The following ADK variants were observed in gnomAD, a reference collection of about 807,000 sequenced individuals.
The protein encoded by ADK is N6,N6-dimethyladenosine kinase.
In ADK, 24 loss-of-function variants were observed where a neutral mutation model predicts 44.7. The observed-to-expected ratio is 0.54, with a 90% CI of 0.39 to 0.76. ADK has a LOEUF of 0.76. Among genes scored for constraint, ADK ranks in the 30% least tolerant of loss-of-function variants. The pLI is 0.00. For missense variants in ADK, 321 were observed against 425.1 expected, an observed-to-expected ratio of 0.76 and a Z score of 2.15; for synonymous variants, 128 against 142.6, an observed-to-expected ratio of 0.90 and a Z score of 0.73.
chr10:74,159,972 G>A (rs950738904), intron 1 of ADK, among the ~76,000 whole-genome samples: 5 of 152,112 alleles, frequency 3.3e-5, no homozygotes, highest in African/African-American at 9.7e-5. Flanking sequence ...TATCTCTCAC[G>A]TAGGCCATTT....
intron 3 of ADK, among the ~76,000 whole-genome samples, chr10:74,239,400 G>A (rs1329871494): frequency 6.6e-6 from 1 of 152,066 alleles, no homozygotes; most frequent in African/African-American, 2.4e-5. Context: ...CAATGGCTAT[G>A]GGGTCAGTCA....
At chr10:74,637,916 A>G (rs1853673518) in intron 9 of ADK, among the ~76,000 whole-genome samples, 1 of 152,206 alleles carries the variant, frequency 6.6e-6, no homozygotes, top group Admixed American at 6.5e-5. Flanking sequence ...TACCTATTCA[A>G]ACTTTTCCAG....
At position 74,481,757 on chromosome 10, in the gene ADK, G is replaced by A. The variant is rs78676431; in HGVS notation, c.556-43499G>A. Among the ~76,000 whole-genome samples the A allele has an allele frequency of 8.6e-5, 13 of 151,426 alleles. No individual in the cohort carries two copies. In the East Asian group the frequency reaches 2.1e-3, roughly 25 times the overall value. On this transcript the variant is annotated intron_variant, in intron 6 of 10. Coordinates refer to ENST00000539909, the MANE Select transcript of ADK (RefSeq NM_006721.4). ...GGTTCCTTTTTCATTTCTCATCTTC[G>A]AATATGGTATTTTCCTACATTAGCT...
intron 6 of ADK, among the ~76,000 whole-genome samples, chr10:74,459,831 T>G (rs182351501): frequency 4.6e-5 from 7 of 152,278 alleles, no homozygotes; most frequent in Admixed American, 4.6e-4. Context: ...GGCATTATTT[T>G]TTTTCCTTGC....
chr10:74,674,020 G>C lies in ADK; in HGVS notation c.964+3751G>C, dbSNP rs561301637. ...TTGGCTGAGCCTGGGGTTTTTATGG[G>C]CACAGGATTGTGGGTGGGGTGGGCC... is the stretch of plus-strand genomic sequence containing the variant. On this transcript the variant is annotated intron_variant, in intron 10 of 10. Coordinates refer to ENST00000539909, the MANE Select transcript of ADK (RefSeq NM_006721.4). Among the ~76,000 whole-genome samples the C allele has an allele frequency of 4.6e-5, 7 of 152,212 alleles. No homozygotes were observed. In the South Asian group the frequency reaches 1.5e-3, roughly 32 times the overall value.
chr10:74,200,671 T>C, intron 1 of ADK, 93 bp from the exon 2 acceptor site: 1 of 844,226 alleles, frequency 1.2e-6, no homozygotes, highest in East Asian at 2.6e-5. Flanking sequence ...TATTTTCAGG[T>C]TGAAATGAAG....
chr10:74,244,900 A>G (rs1002259437), intron 3 of ADK, among the ~76,000 whole-genome samples: 1 of 152,258 alleles, frequency 6.6e-6, no homozygotes, highest in Non-Finnish European at 1.5e-5. Flanking sequence ...TTAGTTAGCT[A>G]ATGAAATACA....
At chr10:74,673,828 C>G (rs1855280878) in intron 10 of ADK, among the ~76,000 whole-genome samples, 1 of 152,120 alleles carries the variant, frequency 6.6e-6, no homozygotes, top group South Asian at 2.1e-4. Context: ...GGAAGGGGAG[C>G]TGAAAGGGGG....
chr10:74,577,106 T>TTC (rs566078811), intron 7 of ADK, among the ~76,000 whole-genome samples: 37 of 111,062 alleles, frequency 3.3e-4, no homozygotes, highest in South Asian at 1.6e-3. Context: ...TTTGTATTAT[T>TTC]TCTCTGTGTG....
At chr10:74,271,043 A>G (rs1439737423) in intron 3 of ADK, among the ~76,000 whole-genome samples, 6 of 152,206 alleles carry the variant, frequency 3.9e-5, no homozygotes, top group Non-Finnish European at 8.8e-5. Context: ...GCGGTAATGT[A>G]GTCTTCTATT....
intron 4 of ADK, among the ~76,000 whole-genome samples, chr10:74,390,608 G>A (rs893056725): frequency 1.7e-4 from 26 of 152,098 alleles, no homozygotes; most frequent in Non-Finnish European, 7.4e-5. Flanking sequence ...GTTTTCTGAT[G>A]TGTGATCAAG....
chr10:74,700,639 GAAAA>G (rs754074214), intron 10 of ADK, among the ~76,000 whole-genome samples: 5 of 151,032 alleles, frequency 3.3e-5, no homozygotes, highest in Admixed American at 6.6e-5. Flanking sequence ...AAAAAGAAAA[GAAAA>G]AGAAAGAAAA....
intron 6 of ADK, among the ~76,000 whole-genome samples, chr10:74,409,937 T>C (rs924605514): frequency 6.6e-6 from 1 of 152,202 alleles, no homozygotes; most frequent in Admixed American, 6.5e-5. Context: ...TTTTTCTTAG[T>C]AAAACTTTCA....
At chr10:74,449,615 G>A (rs1845702358) in intron 6 of ADK, among the ~76,000 whole-genome samples, 1 of 152,098 alleles carries the variant, frequency 6.6e-6, no homozygotes, top group Admixed American at 6.6e-5. Context: ...GGAAACAAAG[G>A]TATCTTAATG....
At chr10:74,624,524 C>G (rs1000283910) in intron 9 of ADK, among the ~76,000 whole-genome samples, 2 of 152,106 alleles carry the variant, frequency 1.3e-5, no homozygotes, top group Admixed American at 1.3e-4. Flanking sequence ...ATTATTTCCT[C>G]TAGTCCTAGA....
At chr10:74,494,113 T>C (rs1466169515) in intron 6 of ADK, among the ~76,000 whole-genome samples, 2 of 152,194 alleles carry the variant, frequency 1.3e-5, no homozygotes, top group East Asian at 3.8e-4. Context: ...ATTAGTATTT[T>C]AAAATAATAT....
intron 10 of ADK, among the ~76,000 whole-genome samples, chr10:74,676,312 T>A (rs1292113513): frequency 6.6e-6 from 1 of 152,114 alleles, no homozygotes; most frequent in Non-Finnish European, 1.5e-5. Flanking sequence ...GTATTTTTAG[T>A]AGAGATGGAG....
intron 9 of ADK, among the ~76,000 whole-genome samples, chr10:74,667,479 A>T (rs2038314786): frequency 6.6e-6 from 1 of 151,874 alleles, no homozygotes; most frequent in Non-Finnish European, 1.5e-5. Context: ...AAAAATCATT[A>T]TAAAGCTGCA....
chr10:74,424,444 G>T (rs891606764), intron 6 of ADK, among the ~76,000 whole-genome samples: 1 of 145,160 alleles, frequency 6.9e-6, no homozygotes, highest in African/African-American at 2.6e-5. Context: ...TGAGGCAGGA[G>T]AATTGCTTGA....
Sources: allele counts gnomAD v4.1 joint callset (sites outside exome capture counted in the v4.1 genomes callset), GRCh38; gene constraint gnomAD v4.1.1; transcripts MANE v1.5; gene names NCBI Gene and HGNC (gene_info 2026-07-23, HGNC 2026-07-21).